DNAH10: variants seen among roughly 807,000 people sequenced by gnomAD.
DNAH10 encodes the protein axonemal beta dynein heavy chain 10.
Under a neutral mutation model 506.6 loss-of-function variants are expected in DNAH10, and 348 were observed. That is an observed-to-expected ratio of 0.69 (90% CI 0.63 to 0.75). The LOEUF (loss-of-function observed/expected upper bound fraction) is 0.75, where lower values mean the gene tolerates loss of function less well. Among genes scored for constraint, DNAH10 ranks in the 30% least tolerant of loss-of-function variants. The pLI, the probability that DNAH10 is intolerant of heterozygous loss-of-function variation, is 0.00. For missense variants in DNAH10, 5,179 were observed against 5,787.1 expected (o/e 0.89, Z 3.41); for synonymous variants, 2,059 against 2,198.6 (o/e 0.94, Z 1.78).
At position 123,934,696 on chromosome 12, in the gene DNAH10, C is replaced by A. The variant is rs1447813389; in HGVS notation, c.13553C>A (p.Pro4518His). Residue 4518 changes from proline (P) to histidine (H), a missense_variant, in exon 78 of 79, where the codon CCC becomes CAC. By Grantham distance (77) the Pro-to-His change is moderately conservative. Around this residue, in one of 3 missense-constraint regions of DNAH10, gnomAD observed 4,844 missense variants for 5,430.5 expected, o/e 0.89. Transcript: ENST00000673944. Reference protein sequence around the residue: ...IEKGCLIKSKPKVLVVDLPIL... With the variant: ...IEKGCLIKSKHKVLVVDLPIL... ...AAAGGATGTCTTATCAAGAGCAAAC[C>A]CAAGGTGCTGGTTGTGGACCTGCCG... 1 of 1,613,786 alleles carries A rather than the reference C, an allele frequency of 6.2e-7. No homozygotes were observed. Among genetic ancestry groups the A allele is most frequent in the Admixed American group, 1.7e-5 (1 of 59,988 alleles).
Position 123,813,497 on chromosome 12 carries a change from A to G in DNAH10, c.3478A>G (p.Lys1160Glu). 1.2e-6 allele frequency: 2 copies of G among 1,614,210 alleles called. No individual in the cohort carries two copies. The highest frequency in any genetic ancestry group is 8.5e-7 in the Non-Finnish European group (1 of 1,180,044). The stretch of plus-strand genomic sequence containing the variant: ...TGAGGTTATGCGCCACCCTCTAATT[A>G]AGGATGAGCATTGCATCAGACTTCA... Reference protein sequence around the residue: ...AYEVMRHPLIKDEHCIRLQLR... With the variant: ...AYEVMRHPLIEDEHCIRLQLR... The change falls in exon 20 of 79, where the codon AAG (lysine) becomes GAG (glutamate). Residue 1160 changes from lysine (K) to glutamate (E), a missense_variant. Transcript: ENST00000673944.
rs1956865852 is a variant in DNAH10, at chr12:123,762,577, C to A, written c.214+27C>A. The A allele has an allele frequency of 6.5e-7, 1 of 1,532,986 alleles. No homozygotes were observed. 95.0% of individuals were successfully genotyped at this position (1,532,986 alleles called of 1,614,324 possible). ...TGAGCCTCGACGCGCCGCTCCCTTCCCCGGGCTTCCCTCCTGCCCGTCCCG... is the reference window on the plus strand; with the variant it reads ...TGAGCCTCGACGCGCCGCTCCCTTCACCGGGCTTCCCTCCTGCCCGTCCCG... On this transcript the variant is annotated intron_variant, in intron 1 of 78. Coordinates refer to ENST00000673944, the MANE Select transcript of DNAH10 (RefSeq NM_001372106.1). The surrounding 1 kb of genome is among the most constrained non-coding windows in gnomAD (Gnocchi z 5.0).
At chr12:123,832,584 C>T (rs906966496) in intron 26 of DNAH10, among the ~76,000 whole-genome samples, 4 of 151,958 alleles carry the variant, frequency 2.6e-5, no homozygotes, top group African/African-American at 9.7e-5. Context: ...CTCAAGCAGT[C>T]TGCTCACCTT....
chr12:123,833,046 G>A (rs977380125), intron 26 of DNAH10, 68 bp from the exon 27 acceptor site: 51 of 1,247,536 alleles, frequency 4.1e-5, no homozygotes, highest in Non-Finnish European at 5.7e-5. Flanking sequence ...TAAGGAAGGT[G>A]TTTTTGGGTT....
At position 123,813,434 on chromosome 12, in the gene DNAH10, T is replaced by C. The variant is rs559739611; in HGVS notation, c.3415T>C (p.Tyr1139His). The change falls in exon 20 of 79, where the codon TAT becomes CAT. Residue 1139 changes from tyrosine to histidine, a missense_variant. Around this residue, in one of 3 missense-constraint regions of DNAH10, gnomAD observed 4,844 missense variants for 5,430.5 expected, o/e 0.89. Transcript: ENST00000673944. ...FAAKKPPCVA[Y>H]DEKLQFYSKI... The stretch of plus-strand genomic sequence containing the variant: ...TGCCAAGAAACCTCCTTGTGTAGCA[T>C]ATGATGAAAAGTTGCAGTTCTATTC... 1.9e-6 allele frequency: 3 copies of C among 1,614,214 alleles called. No homozygotes were observed. Among genetic ancestry groups the C allele is most frequent in the South Asian group, 2.2e-5 (2 of 91,084 alleles).
At position 123,924,377 on chromosome 12, in the gene DNAH10, A is replaced by G. The variant is rs1159015189; in HGVS notation, c.11711A>G (p.Asp3904Gly). ...DIILLSEMFS[D>G]NFGQLPDDVE... The stretch of plus-strand genomic sequence containing the variant: ...ATTCTTTTATCAGAAATGTTTTCAG[A>G]CAACTTTGGGCAACTTCCTGATGAT... Residue 3904 changes from aspartate to glycine, a missense_variant, in exon 67 of 79, where the codon GAC becomes GGC. By Grantham distance (94) the Asp-to-Gly change is moderately conservative. Transcript: ENST00000673944. 1 of 1,613,858 alleles carries G rather than the reference A, an allele frequency of 6.2e-7. No homozygotes were observed. The highest frequency in any genetic ancestry group is 1.1e-5 in the South Asian group (1 of 91,046).
Position 123,813,237 on chromosome 12 carries a change from T to C in DNAH10, c.3218T>C (p.Ile1073Thr). 6.2e-7 allele frequency: 1 copy of C among 1,614,180 alleles called. No individual in the cohort carries two copies. Among genetic ancestry groups the C allele is most frequent in the Non-Finnish European group, 8.5e-7 (1 of 1,180,022 alleles). The change falls in exon 20 of 79, where the codon ATA becomes ACA. Residue 1073 changes from isoleucine (I) to threonine (T), a missense_variant. Around this residue, in one of 3 missense-constraint regions of DNAH10, gnomAD observed 4,844 missense variants for 5,430.5 expected, o/e 0.89. Transcript: ENST00000673944. ...PQKGEEEEVV[I>T]INFYNDISLN... ...AAGGGGGAGGAAGAGGAAGTTGTTA[T>C]AATAAACTTTTACAATGATATCTCT...
At position 123,907,719 on chromosome 12, in the gene DNAH10, G is replaced by C. The variant is rs1882487; in HGVS notation, c.9816-1542G>C. ...TTCTGTCTTGAATCTGAAAACATCT[G>C]CCCCATTCTTTCCCCACCTGCTTGT... On this transcript the variant is annotated intron_variant, in intron 57 of 78. Coordinates refer to ENST00000673944, the MANE Select transcript of DNAH10 (RefSeq NM_001372106.1). This position sits in a 1 kb window ranked among gnomAD's most constrained non-coding sequence, Gnocchi z 4.4. Among the ~76,000 whole-genome samples, 148,338 of 152,264 alleles carry C rather than the reference G, an allele frequency of 0.97. 72,376 individuals carry two copies. Among genetic ancestry groups the C allele is most frequent in the East Asian group, 1 (5,180 of 5,180 alleles).
chr12:123,886,449 G>A (rs934636286), intron 51 of DNAH10, among the ~76,000 whole-genome samples: 1 of 152,070 alleles, frequency 6.6e-6, no homozygotes, highest in African/African-American at 2.4e-5. Flanking sequence ...CTATTGGCCA[G>A]AAGGCATCCT....
chr12:123,805,433 T>C (rs1958630103), intron 18 of DNAH10, among the ~76,000 whole-genome samples: 1 of 152,210 alleles, frequency 6.6e-6, no homozygotes, highest in Non-Finnish European at 1.5e-5. Flanking sequence ...GCGCGGTCTG[T>C]GCGTGTTGAA....
rs1226095615 is a variant in DNAH10, at chr12:123,850,770, T to C, written c.6103-118T>C. 4 of 1,038,662 alleles carry C rather than the reference T, an allele frequency of 3.9e-6. No individual in the cohort carries two copies. Among genetic ancestry groups the C allele is most frequent in the Non-Finnish European group, 5.4e-6 (4 of 735,150 alleles). The allele number at this position is 1,038,662 out of a possible 1,614,324, so 64.3% of individuals were successfully genotyped here. A position where few individuals can be genotyped will look rare whatever the true frequency, so the allele number is the denominator to read the frequency against. On this transcript the variant is annotated intron_variant, in intron 34 of 78. Transcript: ENST00000673944. This position sits in a 1 kb window ranked among gnomAD's most constrained non-coding sequence, Gnocchi z 5.5. Reference sequence around the variant, plus strand: ...GGAGGGAAAAAGAGACAAGTGGTGTTGTCAGCCTCATACCATGAAAATGAA... The same window carrying C: ...GGAGGGAAAAAGAGACAAGTGGTGTCGTCAGCCTCATACCATGAAAATGAA...
chr12:123,919,090 T>C lies in DNAH10; in HGVS notation c.11506+141T>C. ...CTTTCTTTCTTTCTTTTTCTTTTTTTTTTGAGATAGGGTCTTGCTCCATCA... is the reference window on the plus strand; with the variant it reads ...CTTTCTTTCTTTCTTTTTCTTTTTTCTTTGAGATAGGGTCTTGCTCCATCA... On this transcript the variant is annotated intron_variant, in intron 65 of 78. Coordinates refer to ENST00000673944, the MANE Select transcript of DNAH10 (RefSeq NM_001372106.1). This position sits in a 1 kb window ranked among gnomAD's most constrained non-coding sequence, Gnocchi z 4.9. 2 of 1,152,406 alleles carry C rather than the reference T, an allele frequency of 1.7e-6. No individual in the cohort carries two copies. The highest frequency in any genetic ancestry group is 3.6e-5 in the South Asian group (2 of 55,610). The allele number at this position is 1,152,406 out of a possible 1,614,324, so 71.4% of individuals were successfully genotyped here.
rs1953650010 is a variant in DNAH10 at position 123,903,890 on chromosome 12, A to G, written c.9815+777A>G. On this transcript the variant is annotated intron_variant, in intron 57 of 78. Transcript: ENST00000673944. The surrounding 1 kb of genome is among the most constrained non-coding windows in gnomAD (Gnocchi z 4.6). ...TCAGCTCTCTCCTTCCCCACTCTTCATCCAGAAGGAGATCAGTCTTCCTGG... is the reference window on the plus strand; with the variant it reads ...TCAGCTCTCTCCTTCCCCACTCTTCGTCCAGAAGGAGATCAGTCTTCCTGG... 6.6e-6 allele frequency among the ~76,000 whole-genome samples: 1 copy of G among 152,070 alleles called. No homozygotes were observed. Among genetic ancestry groups the G allele is most frequent in the South Asian group, 2.1e-4 (1 of 4,826 alleles).
intron 11 of DNAH10, 78 bp downstream of exon 11, chr12:123,790,199 G>A (rs918110907): frequency 2.5e-5 from 35 of 1,387,686 alleles, no homozygotes; most frequent in Non-Finnish European, 3.2e-5. Context: ...GGGTTATTTA[G>A]TGATGCTTAG....
At position 123,762,862 on chromosome 12, in the gene DNAH10, G is replaced by A. The variant is rs1358541410; in HGVS notation, c.214+312G>A. Among the ~76,000 whole-genome samples the A allele has an allele frequency of 6.6e-6, 1 of 152,198 alleles. No individual in the cohort carries two copies. The highest frequency in any genetic ancestry group is 1.5e-5 in the Non-Finnish European group (1 of 68,040). ...TATCAACTCCTTAACCCTACGAGGC[G>A]GGTGTATCCTCATCCCTATTTTACA... On this transcript the variant is annotated intron_variant, in intron 1 of 78. Transcript: ENST00000673944. The surrounding 1 kb of genome is among the most constrained non-coding windows in gnomAD (Gnocchi z 5.0).
chr12:123,934,950 G>C (rs1295305160), intron 78 of DNAH10, 184 bp downstream of exon 78: 1 of 756,024 alleles, frequency 1.3e-6, no homozygotes, highest in South Asian at 1.9e-5. Context: ...AGGCGCGGCT[G>C]TATGTGTGTG....
chr12:123,912,474 T>TGG (rs111518943), intron 59 of DNAH10, among the ~76,000 whole-genome samples: 7 of 27,906 alleles, frequency 2.5e-4, no homozygotes, highest in Admixed American at 5.7e-4. Context: ...GGGTCTGTCC[T>TGG]GGGGGGGGGT....
chr12:123,845,196 G>A (rs1278760722), intron 30 of DNAH10, among the ~76,000 whole-genome samples: 2 of 151,974 alleles, frequency 1.3e-5, no homozygotes, highest in Non-Finnish European at 2.9e-5. Context: ...ATAGGGTTTT[G>A]CTATGTTGCC....
Position 123,903,822 on chromosome 12 carries a change from C to A in DNAH10, c.9815+709C>A, listed in dbSNP as rs893381807. On this transcript the variant is annotated intron_variant, in intron 57 of 78. Coordinates refer to ENST00000673944, the MANE Select transcript of DNAH10 (RefSeq NM_001372106.1). The surrounding 1 kb of genome is among the most constrained non-coding windows in gnomAD (Gnocchi z 4.6). Reference sequence around the variant, plus strand: ...CCAGCCTCCGCCCACTGCCTCTGCCCCTGTGCTGCCTGGCCCCGCACAGAC... The same window carrying A: ...CCAGCCTCCGCCCACTGCCTCTGCCACTGTGCTGCCTGGCCCCGCACAGAC... Among the ~76,000 whole-genome samples the A allele has an allele frequency of 6.6e-6, 1 of 152,160 alleles. No individual in the cohort carries two copies. The highest frequency in any genetic ancestry group is 2.4e-5 in the African/African-American group (1 of 41,426).
Sources: allele counts gnomAD v4.1 joint callset (sites outside exome capture counted in the v4.1 genomes callset), GRCh38; gene constraint gnomAD v4.1.1; regional missense constraint gnomAD v4.1.1; non-coding constraint Gnocchi (gnomAD v3.1); transcripts MANE v1.5; gene names NCBI Gene and HGNC (gene_info 2026-07-23, HGNC 2026-07-21).